Variants in ANO2 observed in about 807,000 individuals in gnomAD.
The protein encoded by ANO2 is anoctamin 2.
ANO2 carries 101 observed loss-of-function variants against 124.2 expected under a neutral mutation model. That is an observed-to-expected ratio of 0.81 (90% CI 0.69 to 0.96). ANO2 has a LOEUF of 0.96. ANO2 is among the 40% of genes least tolerant of loss of function. The pLI is 0.00. For synonymous variants in ANO2, 486 were observed against 482.5 expected, an observed-to-expected ratio of 1.01 and a Z score of -0.09; for missense variants, 1,293 against 1,274.5, an observed-to-expected ratio of 1.01 and a Z score of -0.22.
At chr12:5,605,612 T>C (rs1944179492) in intron 19 of ANO2, among the ~76,000 whole-genome samples, 1 of 152,168 alleles carries the variant, frequency 6.6e-6, no homozygotes, top group Non-Finnish European at 1.5e-5. Flanking sequence ...CATTTCCAAT[T>C]TTGCTTCGAT....
chr12:5,793,750 G>A (rs1448079085), intron 10 of ANO2, among the ~76,000 whole-genome samples: 3 of 152,212 alleles, frequency 2.0e-5, no homozygotes, highest in African/African-American at 4.8e-5. Flanking sequence ...TGTGAGGCTA[G>A]GAGGCCACCC....
intron 14 of ANO2, among the ~76,000 whole-genome samples, chr12:5,677,835 C>A (rs1948316483): frequency 6.6e-6 from 1 of 152,210 alleles, no homozygotes; most frequent in Non-Finnish European, 1.5e-5. Flanking sequence ...GCCGTTCCCA[C>A]TTCCAGCATG....
At position 5,854,048 on chromosome 12, in the gene ANO2, T is replaced by G. The variant is rs777756312; in HGVS notation, c.628A>C (p.Lys210Gln). 12 of 1,612,842 alleles carry G rather than the reference T, an allele frequency of 7.4e-6. No homozygotes were observed. The South Asian group carries it at 1.3e-4, about 18-fold the overall frequency. Residue 210 changes from lysine (K) to glutamine (Q), a missense_variant, in exon 4 of 25, where the codon AAG becomes CAG. Coordinates refer to ENST00000682330, the MANE Select transcript of ANO2 (RefSeq NM_001364791.2). ...CAGGAGAAACATGCTCATACTTTCT[T>G]GGTAGGAACTTTGATCTTCAAGAAT... ...AEFLKIKVPT[K>Q]KMYEIKAGGS...
At chr12:5,612,792 CA>C in intron 18 of ANO2, 36 bp from the exon 19 acceptor site, 1 of 1,612,074 alleles carries the variant, frequency 6.2e-7, no homozygotes, top group African/African-American at 1.3e-5. Context: ...CCGGTTAGAA[CA>C]AAAGGGAGCT....
At chr12:5,816,811 T>C (rs749175659) in intron 7 of ANO2, among the ~76,000 whole-genome samples, 2 of 152,192 alleles carry the variant, frequency 1.3e-5, no homozygotes, top group Admixed American at 6.5e-5. Context: ...ATCTCTATTA[T>C]AGCACCTACC....
chr12:5,771,192 C>T (rs932214691), intron 10 of ANO2, among the ~76,000 whole-genome samples: 8 of 152,284 alleles, frequency 5.3e-5, no homozygotes, highest in South Asian at 2.1e-4. Context: ...ATTTGTTCAA[C>T]GGATGACTAA....
Position 5,744,851 on chromosome 12 carries a change from C to T in ANO2, c.1191-534G>A, listed in dbSNP as rs114897393. Among the ~76,000 whole-genome samples the T allele has an allele frequency of 3.2e-3, 483 of 152,234 alleles. 5 individuals are homozygous for T. The highest frequency in any genetic ancestry group is 0.011 in the African/African-American group (448 of 41,554). On this transcript the variant is annotated intron_variant, in intron 11 of 24. Coordinates refer to ENST00000682330, the MANE Select transcript of ANO2 (RefSeq NM_001364791.2). ...AGGAGAAGTTCTACATGGGGAAGAA[C>T]GGAGTAGATCTGGGTGGAAAGCCCT... is the stretch of plus-strand genomic sequence containing the variant.
At chr12:5,931,013 T>C (rs1182897997) in intron 1 of ANO2, among the ~76,000 whole-genome samples, 1 of 152,178 alleles carries the variant, frequency 6.6e-6, no homozygotes, top group Non-Finnish European at 1.5e-5. Flanking sequence ...TGTTCCCCTC[T>C]GATAGAAGTA....
chr12:5,622,111 T>C (rs1006712025), intron 16 of ANO2, among the ~76,000 whole-genome samples: 4 of 151,684 alleles, frequency 2.6e-5, no homozygotes, highest in Non-Finnish European at 5.9e-5. Context: ...GGAAAACATA[T>C]CTTGAAAACA....
At chr12:5,628,096 T>A (rs1945507500) in intron 16 of ANO2, among the ~76,000 whole-genome samples, 1 of 152,122 alleles carries the variant, frequency 6.6e-6, no homozygotes, top group Non-Finnish European at 1.5e-5. Context: ...TGAGACCCTG[T>A]CTATTTTTGA....
At chr12:5,933,844 G>A (rs1375151711) in intron 1 of ANO2, among the ~76,000 whole-genome samples, 2 of 152,158 alleles carry the variant, frequency 1.3e-5, no homozygotes, top group Non-Finnish European at 2.9e-5. Context: ...CCCAGGTAAA[G>A]TCCTACTCCT....
At chr12:5,941,911 A>G (rs1293118688) in intron 1 of ANO2, among the ~76,000 whole-genome samples, 1 of 151,748 alleles carries the variant, frequency 6.6e-6, no homozygotes, top group African/African-American at 2.4e-5. Context: ...TCTATATCCA[A>G]TGAAGTATCC....
intron 3 of ANO2, among the ~76,000 whole-genome samples, chr12:5,857,101 G>A (rs1285127409): frequency 6.6e-6 from 1 of 152,134 alleles, no homozygotes; most frequent in East Asian, 1.9e-4. Context: ...GAAAGCTCCG[G>A]AGCACAACCA....
chr12:5,911,969 C>T (rs1185434373), intron 3 of ANO2, among the ~76,000 whole-genome samples: 9 of 152,192 alleles, frequency 5.9e-5, no homozygotes, highest in Non-Finnish European at 1.3e-4. Context: ...GATGCACAGA[C>T]CAGAAACCCT....
Position 5,635,238 on chromosome 12 carries a change from G to A in ANO2, c.1730C>T (p.Thr577Ile). Residue 577 changes from threonine (T) to isoleucine (I), a missense_variant, in exon 16 of 25, where the codon ACA (threonine) becomes ATA (isoleucine). Transcript: ENST00000682330. This position sits in a 1 kb window ranked among gnomAD's most constrained non-coding sequence, Gnocchi z 5.2. ...GAGGTTGATGATGACTGCTGTTGCT[G>A]TCACTGTCACCCGGACATTGGAGCG... ...ATRSNVRVTV[T>I]ATAVIINLVV... 2.5e-6 allele frequency: 4 copies of A among 1,613,118 alleles called. No homozygotes were observed. Among genetic ancestry groups the A allele is most frequent in the Non-Finnish European group, 3.4e-6 (4 of 1,179,686 alleles).
At chr12:5,921,474 C>T in intron 2 of ANO2, 108 bp from the exon 3 acceptor site, 1 of 1,111,612 alleles carries the variant, frequency 9.0e-7, no homozygotes, top group South Asian at 1.6e-5. Flanking sequence ...CAGAAGCAAG[C>T]CTCTCAGGCC....
chr12:5,716,677 C>T (rs912550376), intron 14 of ANO2, among the ~76,000 whole-genome samples: 2 of 152,106 alleles, frequency 1.3e-5, no homozygotes, highest in African/African-American at 4.8e-5. Flanking sequence ...AGACCATGCA[C>T]CATTATAATA....
At chr12:5,616,451 C>A (rs939745474) in intron 16 of ANO2, among the ~76,000 whole-genome samples, 5 of 152,194 alleles carry the variant, frequency 3.3e-5, no homozygotes, top group Admixed American at 3.3e-4. Context: ...ATCACCTTGG[C>A]AGTTAGAATT....
chr12:5,596,961 A>G (rs7305676), intron 20 of ANO2, among the ~76,000 whole-genome samples: 47,067 of 151,958 alleles, frequency 0.31, 7,463 homozygotes, highest in Admixed American at 0.39. Flanking sequence ...AAATCAAGAC[A>G]CATAGGAGTC....
Sources: gnomAD v4.1 joint callset for allele counts (sites outside exome capture counted in the v4.1 genomes callset) on GRCh38, gnomAD v4.1.1 for gene constraint, Gnocchi (gnomAD v3.1) non-coding constraint, MANE v1.5 for transcripts, NCBI Gene and HGNC (gene_info 2026-07-23, HGNC 2026-07-21) for gene names.